FBXL2: variants seen among roughly 807,000 people sequenced by gnomAD.
The protein encoded by FBXL2 is F-box and leucine rich repeat protein 2.
A neutral mutation model predicts 69.2 loss-of-function variants in FBXL2; 38 were observed. The ratio of observed to expected loss-of-function variants is 0.55; its 90% CI spans 0.42 to 0.72. FBXL2 has a LOEUF of 0.72. FBXL2 is among the 30% of genes least tolerant of loss of function. The pLI is 0.00. For synonymous variants in FBXL2, 192 were observed against 201.3 expected, an observed-to-expected ratio of 0.95 and a Z score of 0.39; for missense variants, 354 against 520.3, an observed-to-expected ratio of 0.68 and a Z score of 3.11.
At chr3:33,332,531 A>G (rs1318137020) in intron 2 of FBXL2, among the ~76,000 whole-genome samples, 1 of 152,264 alleles carries the variant, frequency 6.6e-6, no homozygotes, top group East Asian at 1.9e-4. Flanking sequence ...CCAAATGTCC[A>G]TCAACGGATA....
intron 10 of FBXL2, 115 bp downstream of exon 10, chr3:33,375,533 G>A (rs945178750): frequency 3.2e-6 from 4 of 1,244,560 alleles, no homozygotes; most frequent in Admixed American, 2.1e-5. Flanking sequence ...CAGTAGTTAT[G>A]TTGTTGTTGG....
At chr3:33,364,493 C>T in intron 4 of FBXL2, 132 bp from the exon 5 acceptor site, 1 of 797,252 alleles carries the variant, frequency 1.3e-6, no homozygotes, top group East Asian at 2.4e-5. Flanking sequence ...TGAGGTGTTA[C>T]AGGAATGTTC....
At chr3:33,291,830 C>T (rs9809539) in intron 1 of FBXL2, among the ~76,000 whole-genome samples, 1,568 of 152,218 alleles carry the variant, frequency 0.01, 21 homozygotes, top group African/African-American at 0.036. Flanking sequence ...TCAACCATGT[C>T]AGTAATTACA....
At chr3:33,292,743 C>A (rs1035934204) in intron 1 of FBXL2, among the ~76,000 whole-genome samples, 40 of 150,596 alleles carry the variant, frequency 2.7e-4, no homozygotes, top group Admixed American at 4.6e-4. Context: ...AAAAAAAAAA[C>A]AAGCAAAAAA....
intron 2 of FBXL2, among the ~76,000 whole-genome samples, chr3:33,342,603 C>G (rs899144004): frequency 3.2e-4 from 47 of 148,216 alleles, no homozygotes; most frequent in Non-Finnish European, 5.5e-4. Context: ...GAGTAAATTT[C>G]TAACAATTCT....
At chr3:33,355,235 AT>A (rs2041115939) in intron 2 of FBXL2, among the ~76,000 whole-genome samples, 1 of 152,192 alleles carries the variant, frequency 6.6e-6, no homozygotes, top group Non-Finnish European at 1.5e-5. Flanking sequence ...CTGCCAAAAA[AT>A]ATTCCATTTT....
intron 12 of FBXL2, among the ~76,000 whole-genome samples, chr3:33,402,509 T>C (rs1157184169): frequency 6.6e-6 from 1 of 152,220 alleles, no homozygotes; most frequent in Admixed American, 6.5e-5. Context: ...ACACTGTTAA[T>C]GTTGTCTTTA....
intron 12 of FBXL2, chr3:33,396,370 T>G (rs1016504978): frequency 1.0e-6 from 1 of 961,084 alleles, no homozygotes; most frequent in Non-Finnish European, 1.5e-6. Flanking sequence ...CTAAGTTCTA[T>G]TTCCTTATGA....
At chr3:33,400,379 A>C in intron 12 of FBXL2, 1 of 886,542 alleles carries the variant, frequency 1.1e-6, no homozygotes, top group Non-Finnish European at 1.7e-6. Flanking sequence ...AGTAAAAAAC[A>C]CCCAAAAAGA....
chr3:33,385,022 C>G (rs2043325598), intron 14 of FBXL2, among the ~76,000 whole-genome samples: 1 of 152,020 alleles, frequency 6.6e-6, no homozygotes, highest in Non-Finnish European at 1.5e-5. Flanking sequence ...GAGTGAAACT[C>G]TGTCTCAAAA....
At chr3:33,279,361 C>G (rs1053189680) in intron 1 of FBXL2, among the ~76,000 whole-genome samples, 2 of 152,026 alleles carry the variant, frequency 1.3e-5, no homozygotes, top group African/African-American at 4.8e-5. Flanking sequence ...AGCTCCGCCT[C>G]CCGGGTACAC....
chr3:33,320,355 G>GA (rs1035102325), intron 2 of FBXL2, among the ~76,000 whole-genome samples: 2 of 151,922 alleles, frequency 1.3e-5, no homozygotes, highest in Non-Finnish European at 2.9e-5. Context: ...GGAAAATAAA[G>GA]AAATTGGATC....
intron 13 of FBXL2, among the ~76,000 whole-genome samples, chr3:33,379,890 G>A (rs1223614200): frequency 1.3e-5 from 2 of 152,072 alleles, no homozygotes; most frequent in Non-Finnish European, 2.9e-5. Context: ...ATTAACTAAA[G>A]AAGAAAAATT....
the FBXL2 span, among the ~76,000 whole-genome samples, chr3:33,415,157 A>G: frequency 6.6e-6 from 1 of 152,244 alleles, no homozygotes; most frequent in East Asian, 1.9e-4. Context: ...AATATTTTAA[A>G]CATTAGGTAT....
rs1367999076 is a variant in FBXL2 at position 33,401,071 on chromosome 3, T to C, written n.1215-2163T>C. 5 of 1,488,354 alleles carry C rather than the reference T, an allele frequency of 3.4e-6. No individual in the cohort carries two copies. The African/African-American group carries it at 7.2e-5, about 21-fold the overall frequency. The allele number at this position is 1,488,354 out of a possible 1,614,324, so 92.2% of individuals were successfully genotyped here. ...TGATTTTTATAATACATATATGTTT[T>C]AATCAAGGCATTAAAAGCTGTTGCA... On this transcript the variant is annotated intron_variant and non_coding_transcript_variant, in intron 12 of 12. Transcript: ENST00000463736.
At chr3:33,360,054 A>G (rs537122833) in intron 4 of FBXL2, among the ~76,000 whole-genome samples, 1 of 152,298 alleles carries the variant, frequency 6.6e-6, no homozygotes, top group Non-Finnish European at 1.5e-5. Flanking sequence ...GAATTGTCTG[A>G]AGTGCTGGTT....
chr3:33,337,528 A>G (rs918494122), intron 2 of FBXL2, among the ~76,000 whole-genome samples: 2 of 152,256 alleles, frequency 1.3e-5, no homozygotes, highest in African/African-American at 4.8e-5. Context: ...AAACTCTTGT[A>G]AATTATTCAT....
Position 33,373,241 on chromosome 3 carries a change from T to C in FBXL2, c.360-19T>C, listed in dbSNP as rs886367716. ...GAAACGTGGTTGAAAATATCTTTAG[T>C]GCGTCTGCTCTTTTTCAGCACGTGT... On this transcript the variant is annotated intron_variant, in intron 6 of 14. Transcript: ENST00000484457. 1.2e-6 allele frequency: 2 copies of C among 1,613,498 alleles called. No individual in the cohort carries two copies. Among genetic ancestry groups the C allele is most frequent in the Non-Finnish European group, 1.7e-6 (2 of 1,179,522 alleles).
rs1465681847 is a variant in FBXL2, at chr3:33,386,194, ACT to A, written c.*589_*590del. On this transcript the variant is annotated 3_prime_UTR_variant, in exon 15 of 15. Transcript: ENST00000484457. Reference sequence around the variant, plus strand: ...TCCATGAGACACCAAAGAAAAGAGGACTCTATACTGGGTGGAGCAGGGTCTTC... The same window carrying A: ...TCCATGAGACACCAAAGAAAAGAGGACTATACTGGGTGGAGCAGGGTCTTC... The A allele has an allele frequency of 3.2e-5, 5 of 158,512 alleles. No homozygotes were observed. The highest frequency in any genetic ancestry group is 5.9e-5 in the Admixed American group (1 of 17,016). 9.8% of individuals were successfully genotyped at this position (158,512 alleles called of 1,614,324 possible).
Sources: gnomAD v4.1 joint callset for allele counts (sites outside exome capture counted in the v4.1 genomes callset) on GRCh38, gnomAD v4.1.1 for gene constraint, MANE v1.5 for transcripts, NCBI Gene and HGNC (gene_info 2026-07-23, HGNC 2026-07-21) for gene names.